The following DMD variants were observed in gnomAD, a reference collection of about 807,000 sequenced individuals.
DMD encodes dystrophin, also known as mutant dystrophin.
A neutral mutation model predicts 330.1 loss-of-function variants in DMD; 63 were observed. The ratio of observed to expected loss-of-function variants is 0.19; its 90% CI spans 0.16 to 0.24. DMD has a LOEUF of 0.24. DMD is among the 10% of genes least tolerant of loss of function. The pLI is 1.00. For missense variants in DMD, 3,344 were observed against 2,684.1 expected (o/e 1.25, Z -5.43); for synonymous variants, 1,223 against 959.8 (o/e 1.27, Z -5.07).
At chrX:31,925,485 A>G (rs771053995) in intron 47 of DMD, among the ~76,000 whole-genome samples, 1 of 111,957 alleles carries the variant, frequency 8.9e-6, no homozygotes, top group African/African-American at 3.2e-5. Context: ...AAGAGATGAA[A>G]CTGGGATTAA....
At chrX:31,771,873 A>C (rs2149234767) in intron 51 of DMD, among the ~76,000 whole-genome samples, 1 of 111,517 alleles carries the variant, frequency 9.0e-6, no homozygotes, top group South Asian at 3.8e-4. Flanking sequence ...GTCCTTTCTG[A>C]AAAGGACACA....
intron 52 of DMD, among the ~76,000 whole-genome samples, chrX:31,680,495 C>T (rs988980729): frequency 1.6e-4 from 18 of 109,865 alleles, no homozygotes; most frequent in African/African-American, 4.3e-4. Context: ...CTCAGCCTCC[C>T]GAGTAGCAGG....
At chrX:33,218,041 C>A in intron 1 of DMD, among the ~76,000 whole-genome samples, 1 of 111,243 alleles carries the variant, frequency 9.0e-6, no homozygotes, top group Non-Finnish European at 1.9e-5. Context: ...TAAATTCTTT[C>A]ATTATTATTA....
intron 7 of DMD, among the ~76,000 whole-genome samples, chrX:32,721,422 T>C (rs1304379514): frequency 9.1e-6 from 1 of 110,360 alleles, no homozygotes; most frequent in East Asian, 2.8e-4. Context: ...AGTAATACCT[T>C]ATTATGATTT....
At chrX:32,194,582 T>C (rs776548277) in intron 44 of DMD, among the ~76,000 whole-genome samples, 205 of 111,620 alleles carry the variant, frequency 1.8e-3, no homozygotes, top group Non-Finnish European at 3.4e-3. Context: ...ATCAACTTTT[T>C]GTGAGGTAGT....
At chrX:31,464,257 G>T (rs2066712322) in intron 59 of DMD, among the ~76,000 whole-genome samples, 1 of 111,874 alleles carries the variant, frequency 8.9e-6, no homozygotes, top group African/African-American at 3.2e-5. Flanking sequence ...ATGACCAGAA[G>T]AGTAGCTGTA....
intron 43 of DMD, among the ~76,000 whole-genome samples, chrX:32,248,199 G>C (rs2097249353): frequency 9.0e-6 from 1 of 111,425 alleles, no homozygotes; most frequent in African/African-American, 3.3e-5. Context: ...TGGTTTCACT[G>C]TAAATGCTCA....
At chrX:33,032,989 A>C (rs1223495684) in intron 1 of DMD, among the ~76,000 whole-genome samples, 1 of 112,114 alleles carries the variant, frequency 8.9e-6, no homozygotes, top group Non-Finnish European at 1.9e-5. Context: ...TCAGTAAAAG[A>C]ACATTAGAGT....
At chrX:31,563,443 T>C (rs749710365) in intron 55 of DMD, among the ~76,000 whole-genome samples, 1 of 112,430 alleles carries the variant, frequency 8.9e-6, no homozygotes, top group African/African-American at 3.2e-5. Context: ...TACTATACTA[T>C]TTGGATTACA....
chrX:31,123,580 A>AT (rs945996306), intron 78 of DMD, among the ~76,000 whole-genome samples: 1 of 112,041 alleles, frequency 8.9e-6, no homozygotes, highest in African/African-American at 3.2e-5. Flanking sequence ...CCCTGTATCT[A>AT]TTTTTGGCTG....
intron 34 of DMD, among the ~76,000 whole-genome samples, chrX:32,368,055 GT>G (rs1055166942): frequency 9.0e-6 from 1 of 111,595 alleles, no homozygotes; most frequent in African/African-American, 3.3e-5. Flanking sequence ...CCTCAAATGT[GT>G]TTTTAATCAA....
At chrX:31,193,213 G>A (rs1377625702) in intron 67 of DMD, among the ~76,000 whole-genome samples, 4 of 112,382 alleles carry the variant, frequency 3.6e-5, no homozygotes, top group African/African-American at 9.7e-5. Flanking sequence ...TTTTAATTAT[G>A]TCAATGTGTT....
intron 59 of DMD, among the ~76,000 whole-genome samples, chrX:31,469,567 G>A (rs1007360230): frequency 2.7e-5 from 3 of 111,550 alleles, no homozygotes; most frequent in Non-Finnish European, 5.7e-5. Flanking sequence ...CTTTCCTTTG[G>A]GGTAGCCTGA....
At chrX:32,578,929 G>A (rs2053355085) in intron 13 of DMD, among the ~76,000 whole-genome samples, 1 of 111,613 alleles carries the variant, frequency 9.0e-6, no homozygotes, top group African/African-American at 3.3e-5. Flanking sequence ...TATGTGTAAT[G>A]AGCCCTCTGA....
intron 2 of DMD, among the ~76,000 whole-genome samples, chrX:32,974,098 T>G (rs1880339479): frequency 8.9e-6 from 1 of 112,022 alleles, no homozygotes; most frequent in Non-Finnish European, 1.9e-5. Context: ...CAATGAAATT[T>G]TATTTAGCAA....
In DMD at chrX:32,438,317, T is replaced by C; in HGVS notation, c.3995A>G (p.Asp1332Gly). ...QIRILAQTLT[D>G]GGVMDELINE... ...GATTAGCTCATCCATGACTCCGCCATCTGTTAGGGTCTGTGCCAATATGCG... is the reference window on the plus strand; with the variant it reads ...GATTAGCTCATCCATGACTCCGCCACCTGTTAGGGTCTGTGCCAATATGCG... Residue 1332 changes from aspartate to glycine, a missense_variant, in exon 29 of 79, where the codon GAT (aspartate) becomes GGT (glycine). Physicochemically the swap from Asp to Gly is moderately conservative, Grantham distance 94. Transcript: ENST00000357033. 1 of 1,211,182 alleles carries C rather than the reference T, an allele frequency of 8.3e-7. No individual in the cohort carries two copies. Among genetic ancestry groups the C allele is most frequent in the Non-Finnish European group, 1.1e-6 (1 of 895,045 alleles).
chrX:32,651,141 T>TC (rs2060125029), intron 9 of DMD, among the ~76,000 whole-genome samples: 1 of 109,828 alleles, frequency 9.1e-6, no homozygotes, highest in South Asian at 3.8e-4. Context: ...AATATAACTT[T>TC]TTTTTTTTCT....
At chrX:31,725,462 A>AC (rs2085957433) in intron 52 of DMD, among the ~76,000 whole-genome samples, 1 of 111,322 alleles carries the variant, frequency 9.0e-6, no homozygotes, top group Admixed American at 9.6e-5. Context: ...CCTTCAAAGC[A>AC]CCCCAATAGA....
intron 41 of DMD, among the ~76,000 whole-genome samples, chrX:32,336,217 T>C (rs1228264131): frequency 9.0e-6 from 1 of 110,610 alleles, no homozygotes; most frequent in Non-Finnish European, 1.9e-5. Context: ...ACATGTTATA[T>C]ATGTTAGCCA....
Sources: gnomAD v4.1 joint callset for allele counts (sites outside exome capture counted in the v4.1 genomes callset) on GRCh38, gnomAD v4.1.1 for gene constraint, MANE v1.5 for transcripts, NCBI Gene and HGNC (gene_info 2026-07-23, HGNC 2026-07-21) for gene names.